The following ASB7 variants were observed in gnomAD, a reference collection of about 807,000 sequenced individuals.
The protein encoded by ASB7 is ankyrin repeat and SOCS box protein 7.
Under a neutral mutation model 32.5 loss-of-function variants are expected in ASB7, and 4 were observed. That is an observed-to-expected ratio of 0.12 (90% CI 0.06 to 0.28). ASB7 has a LOEUF of 0.28. ASB7 is among the 10% of genes least tolerant of loss of function. ASB7 has a pLI of 1.00. For missense variants in ASB7, 181 were observed against 407.1 expected (o/e 0.44, Z 4.78); for synonymous variants, 172 against 155.6 (o/e 1.11, Z -0.78).
rs947226336 is a variant in ASB7, at chr15:100,621,883, A to C, written c.212-7554A>C. 2.0e-5 allele frequency among the ~76,000 whole-genome samples: 3 copies of C among 151,944 alleles called. No individual in the cohort carries two copies. The South Asian group carries it at 6.2e-4, about 31-fold the overall frequency. ...TGGTGAAAAAAAGAAAACAGGAGAA[A>C]AGATACATAACCAATATCAAGAGTG... On this transcript the variant is annotated intron_variant, in intron 4 of 5. Transcript: ENST00000332783.
At chr15:100,624,665 A>G (rs2039822303) in intron 4 of ASB7, among the ~76,000 whole-genome samples, 1 of 152,192 alleles carries the variant, frequency 6.6e-6, no homozygotes, top group Non-Finnish European at 1.5e-5. Context: ...CACTGAGAAG[A>G]CTTTAGGTCC....
chr15:100,643,648 C>G (rs1449501814), intron 5 of ASB7, among the ~76,000 whole-genome samples: 1 of 151,414 alleles, frequency 6.6e-6, no homozygotes, highest in African/African-American at 2.4e-5. Flanking sequence ...CGCCACCACG[C>G]CTGGCTAATT....
chr15:100,651,024 G>A lies in ASB7; in HGVS notation c.*2562G>A, dbSNP rs2040028529. On this transcript the variant is annotated 3_prime_UTR_variant, in exon 6 of 6. Coordinates refer to ENST00000332783, the MANE Select transcript of ASB7 (RefSeq NM_198243.3). Reference sequence around the variant, plus strand: ...CCAGAAACAGAACAGAAAATGTTCAGAATATTTTCAAATTTGTCAGATTCT... The same window carrying A: ...CCAGAAACAGAACAGAAAATGTTCAAAATATTTTCAAATTTGTCAGATTCT... The A allele has an allele frequency of 6.6e-6, 1 of 152,164 alleles. No homozygotes were observed. The highest frequency in any genetic ancestry group is 1.5e-5 in the Non-Finnish European group (1 of 68,016). 9.4% of individuals were successfully genotyped at this position (152,164 alleles called of 1,614,324 possible).
chr15:100,637,641 T>C (rs1490693410), intron 5 of ASB7, among the ~76,000 whole-genome samples: 1 of 152,224 alleles, frequency 6.6e-6, no homozygotes, highest in Non-Finnish European at 1.5e-5. Flanking sequence ...GTTCATCAGT[T>C]TGGTTCCAGA....
At chr15:100,610,575 T>A (rs1444588774) in intron 3 of ASB7, among the ~76,000 whole-genome samples, 1 of 152,240 alleles carries the variant, frequency 6.6e-6, no homozygotes, top group Non-Finnish European at 1.5e-5. Flanking sequence ...TTGATATTTT[T>A]AAATTTGAGC....
chr15:100,602,618 CG>C lies in ASB7; in HGVS notation c.-696del. On this transcript the variant is annotated 5_prime_UTR_variant, in exon 1 of 6. Transcript: ENST00000332783. ...ACCCCAAAGTGCTGAAGGGAGGGGG[CG>C]GGGGTGGCCCAGTGCAAAGTGCATC... is the stretch of plus-strand genomic sequence containing the variant. The C allele has an allele frequency of 5.1e-6, 1 of 196,224 alleles. No homozygotes were observed. The highest frequency in any genetic ancestry group is 1.0e-5 in the Non-Finnish European group (1 of 97,680). The allele number at this position is 196,224 out of a possible 1,614,324, so 12.2% of individuals were successfully genotyped here.
chr15:100,639,023 G>T (rs2039943740), intron 5 of ASB7, among the ~76,000 whole-genome samples: 2 of 152,214 alleles, frequency 1.3e-5, no homozygotes, highest in Admixed American at 1.3e-4. Context: ...TCCATAGGAG[G>T]CTGAGCTGAG....
intron 2 of ASB7, among the ~76,000 whole-genome samples, chr15:100,607,834 C>A (rs1289314771): frequency 6.6e-6 from 1 of 152,208 alleles, no homozygotes; most frequent in Non-Finnish European, 1.5e-5. Flanking sequence ...ACCTGTGAAT[C>A]TTTCTTGTTG....
Position 100,612,382 on chromosome 15 carries a change from G to T in ASB7, c.166G>T (p.Ala56Ser). 3 of 1,614,156 alleles carry T rather than the reference G, an allele frequency of 1.9e-6. No individual in the cohort carries two copies. The highest frequency in any genetic ancestry group is 1.3e-5 in the African/African-American group (1 of 75,066). Residue 56 changes from alanine (A) to serine (S), a missense_variant, in exon 4 of 6, where the codon GCA becomes TCA. Coordinates refer to ENST00000332783, the MANE Select transcript of ASB7 (RefSeq NM_198243.3). ...NGWTLLHFSA[A>S]RGKERCVRVF... is the part of the protein sequence containing the mutation. ...CTGGACTCTGCTTCATTTCTCTGCA[G>T]CAAGAGGAAAGGAAAGATGTGTTCG...
chr15:100,626,440 A>G (rs2039837756), intron 4 of ASB7, among the ~76,000 whole-genome samples: 1 of 152,236 alleles, frequency 6.6e-6, no homozygotes, highest in African/African-American at 2.4e-5. Flanking sequence ...TGAAATTAAA[A>G]TGACTAATGA....
intron 2 of ASB7, among the ~76,000 whole-genome samples, 159 bp downstream of exon 2, chr15:100,603,472 C>G (rs2039591956): frequency 6.7e-6 from 1 of 149,468 alleles, no homozygotes; most frequent in Non-Finnish European, 1.5e-5. Context: ...TTACCCGTGC[C>G]TGATACTTAA....
intron 4 of ASB7, among the ~76,000 whole-genome samples, chr15:100,613,342 T>C (rs1165756457): frequency 6.6e-6 from 1 of 152,222 alleles, no homozygotes; most frequent in Non-Finnish European, 1.5e-5. Context: ...CTTATGAGGG[T>C]CATGTGAATA....
chr15:100,610,924 G>A (rs1423371162), intron 3 of ASB7, among the ~76,000 whole-genome samples: 1 of 152,202 alleles, frequency 6.6e-6, no homozygotes, highest in African/African-American at 2.4e-5. Flanking sequence ...TTAGTTTTCT[G>A]TATGTAGTTA....
intron 4 of ASB7, among the ~76,000 whole-genome samples, chr15:100,626,813 T>C (rs1343397793): frequency 1.3e-5 from 2 of 152,200 alleles, no homozygotes; most frequent in African/African-American, 4.8e-5. Flanking sequence ...CATGGAAGTA[T>C]GGCGGAAACA....
chr15:100,646,462 G>T, intron 5 of ASB7: 1 of 464,434 alleles, frequency 2.2e-6, no homozygotes. Flanking sequence ...TTTGACCAAG[G>T]GCATTCACAG....
chr15:100,647,418 A>G lies in ASB7; in HGVS notation c.818-905A>G, dbSNP rs1396250645. On this transcript the variant is annotated intron_variant, in intron 5 of 5. Transcript: ENST00000332783. ...ATGGCGCAGAGTAAGTATTCAATAT[A>G]TATTAGCTTTATTATCATGTTTAAT... 2.0e-5 allele frequency among the ~76,000 whole-genome samples: 3 copies of G among 152,234 alleles called. No homozygotes were observed. In the East Asian group the frequency reaches 5.8e-4, roughly 29 times the overall value.
rs2040017439 is a variant in ASB7 at position 100,649,516 on chromosome 15, C to T, written c.*1054C>T. The stretch of plus-strand genomic sequence containing the variant: ...GTGGCTTCATGGTGTTTCTTTTCTT[C>T]CCAGTTTAAAAAAAAAACTTTTTAA... On this transcript the variant is annotated 3_prime_UTR_variant, in exon 6 of 6. Coordinates refer to ENST00000332783, the MANE Select transcript of ASB7 (RefSeq NM_198243.3). 2 of 151,940 alleles carry T rather than the reference C, an allele frequency of 1.3e-5. No individual in the cohort carries two copies. The highest frequency in any genetic ancestry group is 1.5e-5 in the Non-Finnish European group (1 of 67,998). The allele number at this position is 151,940 out of a possible 1,614,324, so 9.4% of individuals were successfully genotyped here.
At position 100,634,603 on chromosome 15, in the gene ASB7, A is replaced by C. The variant is rs545894824; in HGVS notation, c.817+4561A>C. 2.6e-3 allele frequency among the ~76,000 whole-genome samples: 393 copies of C among 152,330 alleles called. 1 individual carries two copies. The highest frequency in any genetic ancestry group is 8.9e-3 in the African/African-American group (370 of 41,576). On this transcript the variant is annotated intron_variant, in intron 5 of 5. Transcript: ENST00000332783. ...TGGATCACTTGAGGCCGGGAGTTAG[A>C]GACCAGCCCGTCCAACATGGTGAAA...
chr15:100,632,681 A>G (rs927591676), intron 5 of ASB7, among the ~76,000 whole-genome samples: 1 of 152,168 alleles, frequency 6.6e-6, no homozygotes, highest in Non-Finnish European at 1.5e-5. Flanking sequence ...GTATAAGGAC[A>G]GCAGAGGGGC....
Sources: gnomAD v4.1 joint callset for allele counts (sites outside exome capture counted in the v4.1 genomes callset) on GRCh38, gnomAD v4.1.1 for gene constraint, MANE v1.5 for transcripts, NCBI Gene and HGNC (gene_info 2026-07-23, HGNC 2026-07-21) for gene names.